The following UNC13C variants were observed in gnomAD, a reference collection of about 807,000 sequenced individuals.
UNC13C encodes unc-13 homolog C.
Under a neutral mutation model 245.4 loss-of-function variants are expected in UNC13C, and 174 were observed. The observed-to-expected ratio is 0.71, with a 90% CI of 0.63 to 0.80. The LOEUF is 0.80. Among genes scored for constraint, UNC13C ranks in the 30% least tolerant of loss-of-function variants. The pLI, the probability that UNC13C is intolerant of heterozygous loss-of-function variation, is 0.00. For synonymous variants in UNC13C, 992 were observed against 895.1 expected (o/e 1.11, Z -1.93); for missense variants, 2,829 against 2,602.9 (o/e 1.09, Z -1.89).
intron 23 of UNC13C, among the ~76,000 whole-genome samples, chr15:54,509,081 C>A (rs1894616888): frequency 1.3e-5 from 2 of 152,104 alleles, no homozygotes; most frequent in African/African-American, 2.4e-5. Context: ...CACCTGTAAT[C>A]CAAGCTACTT....
intron 4 of UNC13C, among the ~76,000 whole-genome samples, chr15:54,162,371 G>A (rs966263143): frequency 5.3e-5 from 8 of 152,112 alleles, no homozygotes; most frequent in African/African-American, 1.7e-4. Context: ...TGCAATCATG[G>A]ATAGACAGAC....
chr15:54,117,890 A>G (rs2030384161), intron 2 of UNC13C, among the ~76,000 whole-genome samples: 1 of 152,052 alleles, frequency 6.6e-6, no homozygotes, highest in South Asian at 2.1e-4. Context: ...CCCAAACCAT[A>G]TATTGAGAAG....
In UNC13C at chr15:54,623,858, G is replaced by A. The variant is rs747194040; in HGVS notation, c.6263G>A (p.Cys2088Tyr). 6.2e-7 allele frequency: 1 copy of A among 1,613,056 alleles called. No individual in the cohort carries two copies. Among genetic ancestry groups the A allele is most frequent in the African/African-American group, 1.3e-5 (1 of 74,824 alleles). Residue 2088 changes from cysteine (C) to tyrosine (Y), a missense_variant, in exon 32 of 33, where the codon TGT becomes TAT. By Grantham distance (194) the Cys-to-Tyr change is radical (BLOSUM62 -2). Coordinates refer to ENST00000260323, the MANE Select transcript of UNC13C (RefSeq NM_001080534.3). ...TAMFRPFVEVCILGPNLGDKK... is the reference protein window; with the variant it reads ...TAMFRPFVEVYILGPNLGDKK... ...ATGTTCCGCCCCTTTGTGGAAGTTTGTATACTGGGACCCAACCTTGGAGAC... is the reference window on the plus strand; with the variant it reads ...ATGTTCCGCCCCTTTGTGGAAGTTTATATACTGGGACCCAACCTTGGAGAC...
chr15:54,486,413 A>T (rs1038402379), intron 19 of UNC13C, among the ~76,000 whole-genome samples: 7 of 150,988 alleles, frequency 4.6e-5, no homozygotes, highest in Non-Finnish European at 1.0e-4. Flanking sequence ...CACTACAGCT[A>T]GGGTGACAGA....
At chr15:54,020,935 C>T (rs534391229) in intron 2 of UNC13C, among the ~76,000 whole-genome samples, 1 of 151,974 alleles carries the variant, frequency 6.6e-6, no homozygotes, top group Non-Finnish European at 1.5e-5. Flanking sequence ...GCAAAATGTT[C>T]CATAAAAATG....
the UNC13C span, among the ~76,000 whole-genome samples, chr15:53,970,944 A>C: frequency 6.6e-6 from 1 of 152,178 alleles, no homozygotes; most frequent in Non-Finnish European, 1.5e-5. Context: ...ACTGTTTTGC[A>C]TAGTAGCTAC....
At chr15:54,295,055 A>G (rs2037393341) in intron 11 of UNC13C, among the ~76,000 whole-genome samples, 1 of 152,136 alleles carries the variant, frequency 6.6e-6, no homozygotes, top group South Asian at 2.1e-4. Context: ...ATCTTAAGAA[A>G]TCTTCCTTAA....
At chr15:54,178,989 T>C (rs1465014491) in intron 4 of UNC13C, among the ~76,000 whole-genome samples, 2 of 152,150 alleles carry the variant, frequency 1.3e-5, no homozygotes, top group Non-Finnish European at 2.9e-5. Context: ...GCTGACTGAA[T>C]TTTCATAGTT....
chr15:54,588,283 C>A (rs1028936120), intron 30 of UNC13C, among the ~76,000 whole-genome samples: 1 of 152,152 alleles, frequency 6.6e-6, no homozygotes, highest in African/African-American at 2.4e-5. Flanking sequence ...TTGAACTTTC[C>A]CCTTAAATAT....
At chr15:54,417,615 A>G (rs1250123682) in intron 19 of UNC13C, among the ~76,000 whole-genome samples, 2 of 152,152 alleles carry the variant, frequency 1.3e-5, no homozygotes, top group African/African-American at 4.8e-5. Flanking sequence ...CTTCATATAT[A>G]TTTTGAAGAT....
chr15:54,069,841 G>A (rs1898237451), intron 2 of UNC13C, among the ~76,000 whole-genome samples: 1 of 152,216 alleles, frequency 6.6e-6, no homozygotes, highest in South Asian at 2.1e-4. Context: ...GCCATGTGAG[G>A]AGTAGTCCTC....
At chr15:54,241,139 G>A (rs1333087162) in intron 7 of UNC13C, among the ~76,000 whole-genome samples, 4 of 152,104 alleles carry the variant, frequency 2.6e-5, no homozygotes, top group South Asian at 4.1e-4. Flanking sequence ...GGGAAACCAG[G>A]TAGAGGGAGA....
intron 18 of UNC13C, among the ~76,000 whole-genome samples, chr15:54,406,659 G>C (rs2040299832): frequency 6.6e-6 from 1 of 152,178 alleles, no homozygotes; most frequent in South Asian, 2.1e-4. Flanking sequence ...GTTAAACCTT[G>C]TGTCACGAGT....
chr15:54,444,343 T>C (rs1890690418), intron 19 of UNC13C, among the ~76,000 whole-genome samples: 1 of 151,152 alleles, frequency 6.6e-6, no homozygotes, highest in Non-Finnish European at 1.5e-5. Context: ...TATATAGTCA[T>C]GTATATACAT....
intron 2 of UNC13C, among the ~76,000 whole-genome samples, chr15:54,025,183 A>G (rs1022590316): frequency 1.3e-5 from 2 of 152,206 alleles, no homozygotes; most frequent in Admixed American, 6.5e-5. Context: ...AAGCATCTTC[A>G]CTGCCCTCAA....
At position 54,235,093 on chromosome 15, in the gene UNC13C, T is replaced by G; in HGVS notation, c.3135T>G (p.Pro1045=). 6.2e-7 allele frequency: 1 copy of G among 1,613,866 alleles called. No homozygotes were observed. The highest frequency in any genetic ancestry group is 8.5e-7 in the Non-Finnish European group (1 of 1,179,796). ...MPDLRRKKTL[P]IVRDVAMTLA... Reference sequence around the variant, plus strand: ...ATCTTCGCAGAAAAAAAACTTTGCCTATTGTCCGAGATGTGGTAAGTTACA... The same window carrying G: ...ATCTTCGCAGAAAAAAAACTTTGCCGATTGTCCGAGATGTGGTAAGTTACA... The change falls in exon 5 of 33, where the codon CCT becomes CCG. Residue 1045 remains proline, a synonymous_variant. Coordinates refer to ENST00000260323, the MANE Select transcript of UNC13C (RefSeq NM_001080534.3).
At chr15:53,898,650 T>C in the UNC13C span, among the ~76,000 whole-genome samples, 1 of 152,170 alleles carries the variant, frequency 6.6e-6, no homozygotes, top group Non-Finnish European at 1.5e-5. Context: ...TCTGGCTTTA[T>C]TGAGGTATAA....
In UNC13C at chr15:54,627,069, G is replaced by A. The variant is rs747524451; in HGVS notation, c.6601G>A (p.Val2201Ile). ...CAGTGATGATGTGGCTAAAGAATTTGTAAGACTTAAATCTGAAACAAGATC... is the reference window on the plus strand; with the variant it reads ...CAGTGATGATGTGGCTAAAGAATTTATAAGACTTAAATCTGAAACAAGATC... Reference protein sequence around the residue: ...RTSDDVAKEFVRLKSETRSTE... With the variant: ...RTSDDVAKEFIRLKSETRSTE... Residue 2201 changes from valine (V) to isoleucine (I), a missense_variant, in exon 33 of 33, where the codon GTA (valine) becomes ATA (isoleucine). Physicochemically the swap from Val to Ile is conservative, Grantham distance 29. Coordinates refer to ENST00000260323, the MANE Select transcript of UNC13C (RefSeq NM_001080534.3). 1.7e-5 allele frequency: 27 copies of A among 1,612,692 alleles called. No homozygotes were observed. Among genetic ancestry groups the A allele is most frequent in the Middle Eastern group, 1.6e-4 (1 of 6,072 alleles).
chr15:54,613,219 A>T, intron 30 of UNC13C, among the ~76,000 whole-genome samples: 1 of 151,934 alleles, frequency 6.6e-6, no homozygotes, highest in East Asian at 1.9e-4. Context: ...ATAATAAAAC[A>T]GTATACATAC....
Sources: allele counts gnomAD v4.1 joint callset (sites outside exome capture counted in the v4.1 genomes callset), GRCh38; gene constraint gnomAD v4.1.1; transcripts MANE v1.5; gene names NCBI Gene and HGNC (gene_info 2026-07-23, HGNC 2026-07-21).